CHD7: variants seen among roughly 807,000 people sequenced by gnomAD.
The protein encoded by CHD7 is chromodomain helicase DNA binding protein 7.
CHD7 carries 24 observed loss-of-function variants against 307.3 expected under a neutral mutation model. The ratio of observed to expected loss-of-function variants is 0.08; its 90% CI spans 0.06 to 0.11. The LOEUF (loss-of-function observed/expected upper bound fraction) is 0.11. Among genes scored for constraint, CHD7 ranks in the 10% least tolerant of loss-of-function variants. CHD7 has a pLI of 1.00. For missense variants in CHD7, 3,106 were observed against 3,727.1 expected, an observed-to-expected ratio of 0.83 and a Z score of 4.34; for synonymous variants, 1,363 against 1,349.9, an observed-to-expected ratio of 1.01 and a Z score of -0.21.
intron 1 of CHD7, among the ~76,000 whole-genome samples, chr8:60,717,258 A>G (rs1168930788): frequency 6.6e-6 from 1 of 152,204 alleles, no homozygotes; most frequent in East Asian, 1.9e-4. Flanking sequence ...AATGAAAGAT[A>G]GTGTATCATT....
chr8:60,822,827 T>A, intron 12 of CHD7, 81 bp downstream of exon 12: 1 of 1,356,912 alleles, frequency 7.4e-7, no homozygotes, highest in Non-Finnish European at 9.7e-7. Flanking sequence ...CTTGGTGACT[T>A]GGGAAGGTCT....
In CHD7 at chr8:60,841,860, T is replaced by C; in HGVS notation, c.4658T>C (p.Ile1553Thr). ...TTTTATTATTAGAACAACCTGGTTA[T>C]TGATACTCCAAGAGTGAGAAAGCAG... The part of the protein sequence containing the change: ...DALNGRNNLV[I>T]DTPRVRKQTR... Residue 1553 changes from isoleucine to threonine, a missense_variant, in exon 21 of 38, where the codon ATT becomes ACT. Coordinates refer to ENST00000423902, the MANE Select transcript of CHD7 (RefSeq NM_017780.4). 6.2e-7 allele frequency: 1 copy of C among 1,607,912 alleles called. No homozygotes were observed. The highest frequency in any genetic ancestry group is 8.5e-7 in the Non-Finnish European group (1 of 1,176,612).
chr8:60,811,961 A>G (rs1170905882), intron 7 of CHD7, among the ~76,000 whole-genome samples: 1 of 152,204 alleles, frequency 6.6e-6, no homozygotes, highest in East Asian at 1.9e-4. Flanking sequence ...CACTTTTTAC[A>G]TCTTGCTTTG....
In CHD7 at chr8:60,742,926, CCAACAACATCCTGGT is replaced by C; in HGVS notation, c.1500_1514del (p.His501_Gln505del). ...CAATCCAGGAACGACTGATACCTGG[CCAACAACATCCTGGT>C]CAACAGCCATCTTTTCAGCAGTTGC... On this transcript the variant is annotated inframe_deletion, in exon 2 of 38. Transcript: ENST00000423902. 6.2e-7 allele frequency: 1 copy of C among 1,613,146 alleles called. No individual in the cohort carries two copies. The highest frequency in any genetic ancestry group is 1.7e-5 in the Admixed American group (1 of 59,884).
In CHD7 at chr8:60,796,617, GT is replaced by G. The variant is rs566003462; in HGVS notation, c.2238+1504del. ...GACCTTATGAAATACTAGCTTTAGG[GT>G]TTTTTTTTTTTTTCCTGCTGCATTT... On this transcript the variant is annotated intron_variant, in intron 4 of 37. Transcript: ENST00000423902. Among the ~76,000 whole-genome samples, 117 of 57,418 alleles carry G rather than the reference GT, an allele frequency of 2.0e-3. 1 individual carries two copies. Among genetic ancestry groups the G allele is most frequent in the Middle Eastern group, 8.3e-3 (1 of 120 alleles). 37.7% of individuals were successfully genotyped at this position (57,418 alleles called of 152,430 possible). A position where few individuals can be genotyped will look rare whatever the true frequency, so the allele number is the denominator to read the frequency against.
chr8:60,703,166 T>C (rs1270628219), intron 1 of CHD7, among the ~76,000 whole-genome samples: 1 of 152,210 alleles, frequency 6.6e-6, no homozygotes, highest in African/African-American at 2.4e-5. Flanking sequence ...TTTTTCTTAT[T>C]GTGGTAAAAT....
chr8:60,824,125 C>T, intron 13 of CHD7, 109 bp downstream of exon 13: 1 of 973,666 alleles, frequency 1.0e-6, no homozygotes, highest in South Asian at 1.6e-5. Context: ...AAAAGCTTGT[C>T]AAATATTGTG....
At chr8:60,847,535 G>A (rs1195656214) in intron 23 of CHD7, among the ~76,000 whole-genome samples, 1 of 152,180 alleles carries the variant, frequency 6.6e-6, no homozygotes, top group African/African-American at 2.4e-5. Flanking sequence ...TACATGATGG[G>A]ATTATTCAGC....
intron 37 of CHD7, chr8:60,863,003 AAAAAC>A (rs147759163): frequency 0.11 from 21,562 of 191,458 alleles, 3,117 homozygotes; most frequent in African/African-American, 0.37. Flanking sequence ...TTTCTGATTT[AAAAAC>A]AAAACAAAAC....
chr8:60,800,557 C>A, intron 5 of CHD7, 32 bp downstream of exon 5: 1 of 1,332,490 alleles, frequency 7.5e-7, no homozygotes. Context: ...TTTATGGATG[C>A]ATTTTAAAGA....
intron 1 of CHD7, among the ~76,000 whole-genome samples, chr8:60,696,756 T>G (rs907325764): frequency 1.3e-5 from 2 of 152,036 alleles, no homozygotes; most frequent in African/African-American, 2.4e-5. Context: ...TTTTGTGGTA[T>G]AGACAGGAAA....
chr8:60,740,390 C>G (rs2150575639), intron 1 of CHD7, among the ~76,000 whole-genome samples: 1 of 152,350 alleles, frequency 6.6e-6, no homozygotes, highest in Non-Finnish European at 1.5e-5. Context: ...AACTAGTTTT[C>G]TCTGAGTGGT....
At chr8:60,832,742 T>C (rs1219613729) in intron 15 of CHD7, among the ~76,000 whole-genome samples, 1 of 152,212 alleles carries the variant, frequency 6.6e-6, no homozygotes. Flanking sequence ...GTTAATTATA[T>C]GCATTGAACA....
intron 1 of CHD7, among the ~76,000 whole-genome samples, chr8:60,698,398 A>G (rs1362352274): frequency 2.0e-5 from 3 of 152,046 alleles, no homozygotes; most frequent in Non-Finnish European, 4.4e-5. Context: ...CAGCCATAGG[A>G]AAGAATAATT....
rs1372138093 is a variant in CHD7, at chr8:60,761,393, A to G, written c.1665+18296A>G. Among the ~76,000 whole-genome samples the G allele has an allele frequency of 5.9e-5, 9 of 151,544 alleles. No individual in the cohort carries two copies. The South Asian group carries it at 6.3e-4, about 11-fold the overall frequency. ...GCACTGGGAGATATACCTAATGCTA[A>G]ATGACAAGTTAATGGGTGCAGCGCA... On this transcript the variant is annotated intron_variant, in intron 2 of 37. Transcript: ENST00000423902.
In CHD7 at chr8:60,801,510, A is replaced by G. The variant is rs755546600; in HGVS notation, c.2377-18A>G. ...AGATGTTTTCTATTTGGATTGATGC[A>G]CATGCCTTTTTTTTTAGGAATCTGT... On this transcript the variant is annotated intron_variant, in intron 5 of 37. Transcript: ENST00000423902. 2 of 1,551,386 alleles carry G rather than the reference A, an allele frequency of 1.3e-6. No individual in the cohort carries two copies. Among genetic ancestry groups the G allele is most frequent in the African/African-American group, 1.4e-5 (1 of 73,310 alleles).
intron 2 of CHD7, among the ~76,000 whole-genome samples, chr8:60,764,741 G>A (rs1335191440): frequency 1.3e-5 from 2 of 152,202 alleles, no homozygotes; most frequent in African/African-American, 2.4e-5. Flanking sequence ...ATGTAGTGAT[G>A]TAACTGTAAC....
At chr8:60,709,498 G>A (rs1807179741) in intron 1 of CHD7, among the ~76,000 whole-genome samples, 1 of 152,176 alleles carries the variant, frequency 6.6e-6, no homozygotes, top group African/African-American at 2.4e-5. Context: ...AAAGTATGCT[G>A]AATGAGTGTC....
At chr8:60,834,209 G>A (rs1018403106) in intron 15 of CHD7, among the ~76,000 whole-genome samples, 10 of 152,130 alleles carry the variant, frequency 6.6e-5, no homozygotes, top group Admixed American at 3.3e-4. Flanking sequence ...AATATCTGAT[G>A]TTTATTTTGT....
Sources: allele counts gnomAD v4.1 joint callset (sites outside exome capture counted in the v4.1 genomes callset), GRCh38; gene constraint gnomAD v4.1.1; transcripts MANE v1.5; gene names NCBI Gene and HGNC (gene_info 2026-07-23, HGNC 2026-07-21).